Variants in AGO2 observed in about 807,000 individuals in gnomAD.
The protein encoded by AGO2 is protein argonaute-2.
Under a neutral mutation model 102.3 loss-of-function variants are expected in AGO2, and 5 were observed. That is an observed-to-expected ratio of 0.05 (90% CI 0.03 to 0.10). The LOEUF is 0.10. AGO2 is among the 10% of genes least tolerant of loss of function. The pLI is 1.00. For synonymous variants in AGO2, 449 were observed against 473.1 expected, an observed-to-expected ratio of 0.95 and a Z score of 0.66; for missense variants, 541 against 1,183.7, an observed-to-expected ratio of 0.46 and a Z score of 7.97.
At chr8:140,603,322 G>A (rs1238238707) in intron 1 of AGO2, among the ~76,000 whole-genome samples, 2 of 152,362 alleles carry the variant, frequency 1.3e-5, no homozygotes, top group East Asian at 3.9e-4. Context: ...GAGCTGGGAT[G>A]ATAAGTGTGC....
chr8:140,534,449 T>C (rs1350888177), intron 17 of AGO2, among the ~76,000 whole-genome samples: 2 of 152,114 alleles, frequency 1.3e-5, no homozygotes, highest in African/African-American at 4.8e-5. Flanking sequence ...AAGCCAACAC[T>C]GGGACAGGCA....
At chr8:140,552,339 A>G (rs1275572429) in intron 10 of AGO2, among the ~76,000 whole-genome samples, 1 of 152,160 alleles carries the variant, frequency 6.6e-6, no homozygotes, top group Non-Finnish European at 1.5e-5. Flanking sequence ...AGCCCTGAGC[A>G]CTGTCACCTA....
rs1253483893 is a variant in AGO2 at position 140,524,893 on chromosome 8, A to C, written c.*7151T>G. ...CTCATTTTAAGGACCTTGGAGCTAC[A>C]GAAAGAACTGAATAAGAATGGCCCC... On this transcript the variant is annotated 3_prime_UTR_variant, in exon 19 of 19. Coordinates refer to ENST00000220592, the MANE Select transcript of AGO2 (RefSeq NM_012154.5). The C allele has an allele frequency of 1.3e-5, 2 of 152,286 alleles. No individual in the cohort carries two copies. The highest frequency in any genetic ancestry group is 1.3e-4 in the Admixed American group (2 of 15,280). The allele number at this position is 152,286 out of a possible 1,614,324, so 9.4% of individuals were successfully genotyped here.
At position 140,607,515 on chromosome 8, in the gene AGO2, T is replaced by TACAC. The variant is rs1159722896; in HGVS notation, c.23-22208_23-22205dup. Among the ~76,000 whole-genome samples, 47 of 18,914 alleles carry TACAC rather than the reference T, an allele frequency of 2.5e-3. 1 individual carries two copies. The highest frequency in any genetic ancestry group is 5.5e-3 in the African/African-American group (37 of 6,676). The allele number at this position is 18,914 out of a possible 152,430, so 12.4% of individuals were successfully genotyped here. Reference sequence around the variant, plus strand: ...ATATATATATATATATATATATATATACACACACACACACGTATGGAAAAA... The same window carrying TACAC: ...ATATATATATATATATATATATATATACACACACACACACACACGTATGGAAAAA... On this transcript the variant is annotated intron_variant, in intron 1 of 18. Coordinates refer to ENST00000220592, the MANE Select transcript of AGO2 (RefSeq NM_012154.5).
chr8:140,564,186 A>T (rs569224181), intron 3 of AGO2, among the ~76,000 whole-genome samples: 3 of 152,210 alleles, frequency 2.0e-5, no homozygotes, highest in Non-Finnish European at 4.4e-5. Flanking sequence ...CCGCAGCACG[A>T]TTCCTTCCAG....
At position 140,540,085 on chromosome 8, in the gene AGO2, T is replaced by C. The variant is rs1039517704; in HGVS notation, c.2035-631A>G. Among the ~76,000 whole-genome samples, 1 of 151,638 alleles carries C rather than the reference T, an allele frequency of 6.6e-6. No homozygotes were observed. Among genetic ancestry groups the C allele is most frequent in the Non-Finnish European group, 1.5e-5 (1 of 67,942 alleles). ...AGACTGGAGACAGCGAGAGTCTTTC[T>C]CAAAAAAAACAAACAAAAAAACAAA... is the stretch of plus-strand genomic sequence containing the variant. On this transcript the variant is annotated intron_variant, in intron 15 of 18. Coordinates refer to ENST00000220592, the MANE Select transcript of AGO2 (RefSeq NM_012154.5). This position sits in a 1 kb window ranked among gnomAD's most constrained non-coding sequence, Gnocchi z 5.0.
chr8:140,631,460 G>A (rs546400691), intron 1 of AGO2, among the ~76,000 whole-genome samples: 1 of 151,874 alleles, frequency 6.6e-6, no homozygotes, highest in East Asian at 1.9e-4. Flanking sequence ...CTTGAACCCG[G>A]GAGGAGGAGG....
In AGO2 at chr8:140,523,443, A is replaced by C. The variant is rs1164135487; in HGVS notation, c.*8601T>G. On this transcript the variant is annotated 3_prime_UTR_variant, in exon 19 of 19. Coordinates refer to ENST00000220592, the MANE Select transcript of AGO2 (RefSeq NM_012154.5). ...AAAATTGATAAAACTAAGGGTTAAA[A>C]GCCCTCAATATGTATTAGGTAAGTA... 6.6e-6 allele frequency: 1 copy of C among 152,202 alleles called. No individual in the cohort carries two copies. Among genetic ancestry groups the C allele is most frequent in the Non-Finnish European group, 1.5e-5 (1 of 68,040 alleles). The allele number at this position is 152,202 out of a possible 1,614,324, so 9.4% of individuals were successfully genotyped here. A position where few individuals can be genotyped will look rare whatever the true frequency, so the allele number is the denominator to read the frequency against.
At chr8:140,625,504 C>A (rs756589804) in intron 1 of AGO2, among the ~76,000 whole-genome samples, 10 of 152,182 alleles carry the variant, frequency 6.6e-5, no homozygotes, top group Non-Finnish European at 4.4e-5. Flanking sequence ...TCTTTCATCC[C>A]TCGTATCCAG....
rs780851786 is a variant in AGO2 at position 140,556,956 on chromosome 8, G to C, written c.1026+133C>G. ...TGTAACAAAGCCCATTAACCCACCC[G>C]CATTCCTGCAGCAGCAGAGGCAGTG... On this transcript the variant is annotated intron_variant, in intron 8 of 18. Transcript: ENST00000220592. 44 of 1,305,776 alleles carry C rather than the reference G, an allele frequency of 3.4e-5. No individual in the cohort carries two copies. In the East Asian group the frequency reaches 9.9e-4, roughly 29 times the overall value. The allele number at this position is 1,305,776 out of a possible 1,614,324, so 80.9% of individuals were successfully genotyped here.
Position 140,532,045 on chromosome 8 carries a change from C to T in AGO2, c.2579G>A (p.Ter860=), listed in dbSNP as rs752921654. ...ACAATCGCTAAACACTAAAACATGT[C>T]AAGCAAAGTACATGGTGCGCAGAGT... ...QDTLRTMYFA[*] Residue 860 remains the stop codon, a stop_retained_variant, in exon 19 of 19, where the codon TGA becomes TAA. Coordinates refer to ENST00000220592, the MANE Select transcript of AGO2 (RefSeq NM_012154.5). The T allele has an allele frequency of 6.2e-7, 1 of 1,613,904 alleles. No individual in the cohort carries two copies. Among genetic ancestry groups the T allele is most frequent in the South Asian group, 1.1e-5 (1 of 91,060 alleles).
At chr8:140,599,240 G>A (rs62529977) in intron 1 of AGO2, among the ~76,000 whole-genome samples, 12,956 of 152,242 alleles carry the variant, frequency 0.085, 638 homozygotes, top group Non-Finnish European at 0.11. Flanking sequence ...TGCGCTGAGC[G>A]TCCGTTATGT....
intron 1 of AGO2, among the ~76,000 whole-genome samples, chr8:140,590,001 G>A (rs75402832): frequency 0.037 from 5,584 of 152,314 alleles, 146 homozygotes; most frequent in Non-Finnish European, 0.052. Context: ...GGACAGAGAC[G>A]GTCTCAGAAT....
At chr8:140,556,141 C>A (rs1564084206) in intron 9 of AGO2, 26 bp downstream of exon 9, 2 of 1,613,600 alleles carry the variant, frequency 1.2e-6, no homozygotes, top group Non-Finnish European at 1.7e-6. Context: ...TTCCACAGGG[C>A]AGCCCTGCCC....
At chr8:140,564,029 A>G (rs2073242608) in intron 3 of AGO2, among the ~76,000 whole-genome samples, 1 of 152,076 alleles carries the variant, frequency 6.6e-6, no homozygotes, top group South Asian at 2.1e-4. Flanking sequence ...GAGCCCTCAG[A>G]GCACTGTTGT....
At chr8:140,550,926 CCTT>C (rs1472626541) in intron 11 of AGO2, among the ~76,000 whole-genome samples, 1 of 152,214 alleles carries the variant, frequency 6.6e-6, no homozygotes, top group African/African-American at 2.4e-5. Context: ...TTCATTTTCT[CCTT>C]CTAATTTACA....
At chr8:140,566,617 T>G (rs867653048) in intron 3 of AGO2, among the ~76,000 whole-genome samples, 107 of 143,900 alleles carry the variant, frequency 7.4e-4, no homozygotes, top group Middle Eastern at 3.6e-3. Context: ...TTTTTTTTTT[T>G]TGGGGGGGGG....
intron 1 of AGO2, among the ~76,000 whole-genome samples, chr8:140,611,234 C>T (rs1169571834): frequency 3.3e-5 from 5 of 152,192 alleles, no homozygotes; most frequent in South Asian, 2.1e-4. Flanking sequence ...CACCACAGCA[C>T]GTGCACAGCA....
intron 14 of AGO2, 56 bp from the exon 15 acceptor site, chr8:140,541,414 G>A: frequency 2.0e-6 from 3 of 1,472,708 alleles, no homozygotes; most frequent in Non-Finnish European, 1.8e-6. Context: ...CCTTTCCTGG[G>A]CATGTGCCTG....
Sources: gnomAD v4.1 joint callset for allele counts (sites outside exome capture counted in the v4.1 genomes callset) on GRCh38, gnomAD v4.1.1 for gene constraint, Gnocchi (gnomAD v3.1) non-coding constraint, MANE v1.5 for transcripts, NCBI Gene and HGNC (gene_info 2026-07-23, HGNC 2026-07-21) for gene names.